Variants in FRMPD4 observed in about 807,000 individuals in gnomAD.
FRMPD4 encodes the protein FERM and PDZ domain-containing protein 4.
Under a neutral mutation model 94.1 loss-of-function variants are expected in FRMPD4, and 22 were observed. That is an observed-to-expected ratio of 0.23 (90% CI 0.17 to 0.33). FRMPD4 has a LOEUF of 0.33. Ranked by LOEUF, FRMPD4 falls within the 10% of genes least tolerant of loss-of-function variation. The pLI, the probability that FRMPD4 is intolerant of heterozygous loss-of-function variation, is 1.00. For synonymous variants in FRMPD4, 631 were observed against 548.6 expected, an observed-to-expected ratio of 1.15 and a Z score of -2.10; for missense variants, 1,111 against 1,339.9, an observed-to-expected ratio of 0.83 and a Z score of 2.67.
chrX:12,220,194 A>G (rs1265550812), intron 1 of FRMPD4, among the ~76,000 whole-genome samples: 1 of 111,426 alleles, frequency 9.0e-6, no homozygotes, highest in Admixed American at 9.5e-5. Context: ...AAAAAACAAA[A>G]ACAGAAAAAC....
chrX:12,512,822 T>G lies in FRMPD4; in HGVS notation c.158+14026T>G, dbSNP rs1049318409. On this transcript the variant is annotated intron_variant, in intron 2 of 16. Transcript: ENST00000675598. ...CACTGTCTTCCACAATGTTTGAAAC[T>G]AATTTACATTACCAAAAGTGTGAAA... 2.7e-5 allele frequency among the ~76,000 whole-genome samples: 3 copies of G among 112,599 alleles called. No individual in the cohort carries two copies. In the Admixed American group the frequency reaches 2.8e-4, roughly 11 times the overall value.
Position 12,388,092 on chromosome X carries a change from G to T in FRMPD4, c.42-110588G>T, listed in dbSNP as rs182053225. On this transcript the variant is annotated intron_variant, in intron 1 of 16. Coordinates refer to ENST00000675598, the MANE Select transcript of FRMPD4 (RefSeq NM_001368397.1). The stretch of plus-strand genomic sequence containing the variant: ...AGTCAGAATAATGAAAACTTCCGGG[G>T]AGAACTGGGTATTCACTGGGAAGGC... 2.5e-4 allele frequency among the ~76,000 whole-genome samples: 28 copies of T among 111,229 alleles called. No homozygotes were observed. The Admixed American group carries it at 2.7e-3, about 11-fold the overall frequency.
chrX:12,638,479 G>A (rs1439042360), intron 4 of FRMPD4, among the ~76,000 whole-genome samples: 3 of 110,465 alleles, frequency 2.7e-5, no homozygotes, highest in South Asian at 7.9e-4. Flanking sequence ...CAGGCAGTCC[G>A]CCCACCTCAG....
At chrX:12,553,116 G>A (rs926271170) in intron 2 of FRMPD4, among the ~76,000 whole-genome samples, 1 of 110,787 alleles carries the variant, frequency 9.0e-6, no homozygotes, top group Non-Finnish European at 1.9e-5. Context: ...CCATGATTGT[G>A]CCATTGCACT....
chrX:12,584,994 C>T (rs1393506686), intron 2 of FRMPD4, among the ~76,000 whole-genome samples: 1 of 111,414 alleles, frequency 9.0e-6, no homozygotes, highest in African/African-American at 3.3e-5. Flanking sequence ...TATCTCTGTT[C>T]ACTGCAACCT....
intron 1 of FRMPD4, among the ~76,000 whole-genome samples, chrX:12,243,708 T>C (rs1435174119): frequency 2.8e-5 from 3 of 106,525 alleles, no homozygotes; most frequent in Non-Finnish European, 5.8e-5. Context: ...TGAAGCATGA[T>C]AAGCATTTAT....
chrX:12,414,440 T>C (rs1168870388), intron 1 of FRMPD4, among the ~76,000 whole-genome samples: 8 of 112,739 alleles, frequency 7.1e-5, no homozygotes, highest in Non-Finnish European at 7.5e-5. Context: ...TTAATTTATT[T>C]TGTTATGTTA....
At chrX:12,019,689 C>G (rs1782644815) in intron 3 of FRMPD4, among the ~76,000 whole-genome samples, 1 of 108,726 alleles carries the variant, frequency 9.2e-6, no homozygotes, top group African/African-American at 3.4e-5. Flanking sequence ...GTATGTGTGC[C>G]TTTCCTCTCT....
intron 3 of FRMPD4, among the ~76,000 whole-genome samples, chrX:11,923,313 ACAG>A (rs1296962318): frequency 8.9e-6 from 1 of 112,138 alleles, no homozygotes; most frequent in Non-Finnish European, 1.9e-5. Flanking sequence ...TGTGCAGAGA[ACAG>A]CAGATCTTCC....
rs762562085 is a variant in FRMPD4 at position 12,269,920 on chromosome X, T to TA, written c.41+130909dup. ...ATAGGTATTTGAACCATGTTTAACT[T>TA]AGAGGTTGGCATAGGTGAGGGGAGT... On this transcript the variant is annotated intron_variant, in intron 1 of 16. Transcript: ENST00000675598. Among the ~76,000 whole-genome samples, 12 of 112,485 alleles carry TA rather than the reference T, an allele frequency of 1.1e-4. No individual in the cohort carries two copies. In the East Asian group the frequency reaches 2.5e-3, roughly 23 times the overall value.
At chrX:12,419,786 G>T (rs112784266) in intron 1 of FRMPD4, among the ~76,000 whole-genome samples, 1 of 111,393 alleles carries the variant, frequency 9.0e-6, no homozygotes, top group East Asian at 2.8e-4. Context: ...CTTTTCCTCT[G>T]ACTTACAGGA....
intron 1 of FRMPD4, among the ~76,000 whole-genome samples, chrX:12,209,138 C>T (rs1043003581): frequency 1.8e-5 from 2 of 111,168 alleles, no homozygotes; most frequent in Admixed American, 9.6e-5. Context: ...TAGTCCTGTC[C>T]GTCTTGAATC....
At chrX:12,084,436 GA>G (rs144640554) in intron 3 of FRMPD4, among the ~76,000 whole-genome samples, 54 of 108,894 alleles carry the variant, frequency 5.0e-4, no homozygotes, top group African/African-American at 1.7e-3. Context: ...TCAGCAATGT[GA>G]AAAAAAAACT....
chrX:11,842,962 C>A (rs982206387), intron 1 of FRMPD4, among the ~76,000 whole-genome samples: 1 of 111,674 alleles, frequency 9.0e-6, no homozygotes, highest in Non-Finnish European at 1.9e-5. Flanking sequence ...CGAAATTCAA[C>A]AACGCTTCAT....
intron 3 of FRMPD4, among the ~76,000 whole-genome samples, chrX:11,996,831 C>T (rs776006561): frequency 9.0e-6 from 1 of 111,549 alleles, no homozygotes; most frequent in African/African-American, 3.3e-5. Flanking sequence ...TTCAAGGTAG[C>T]TGGGAAGACA....
chrX:12,543,417 A>C (rs1223079400), intron 2 of FRMPD4, among the ~76,000 whole-genome samples: 2 of 112,215 alleles, frequency 1.8e-5, no homozygotes, highest in African/African-American at 6.5e-5. Context: ...ACCCCATCAA[A>C]AAGTGGGCGA....
intron 1 of FRMPD4, among the ~76,000 whole-genome samples, chrX:11,856,170 GA>G (rs2053652647): frequency 9.0e-6 from 1 of 111,087 alleles, no homozygotes; most frequent in African/African-American, 3.3e-5. Context: ...CAGAATGGGG[GA>G]AACCACCCCC....
At chrX:11,909,523 T>G (rs1293285168) in intron 3 of FRMPD4, among the ~76,000 whole-genome samples, 1 of 111,048 alleles carries the variant, frequency 9.0e-6, no homozygotes, top group Non-Finnish European at 1.9e-5. Flanking sequence ...ATCGTTTTTC[T>G]GTTTCATTGA....
chrX:12,434,125 CTT>C (rs1221734328), intron 1 of FRMPD4, among the ~76,000 whole-genome samples: 1 of 111,795 alleles, frequency 8.9e-6, no homozygotes, highest in East Asian at 2.8e-4. Flanking sequence ...CATGATATGA[CTT>C]TTTTCACACA....
Sources: allele counts gnomAD v4.1 joint callset (sites outside exome capture counted in the v4.1 genomes callset), GRCh38; gene constraint gnomAD v4.1.1; transcripts MANE v1.5; gene names NCBI Gene and HGNC (gene_info 2026-07-23, HGNC 2026-07-21).